The following PSKH1 variants were observed in gnomAD, a reference collection of about 807,000 sequenced individuals.
PSKH1 encodes serine/threonine-protein kinase H1.
Under a neutral mutation model 26.7 loss-of-function variants are expected in PSKH1, and 12 were observed. The ratio of observed to expected loss-of-function variants is 0.45; its 90% confidence interval spans 0.29 to 0.73. The LOEUF (loss-of-function observed/expected upper bound fraction) is 0.73. Ranked by LOEUF, PSKH1 falls within the 30% of genes least tolerant of loss-of-function variation. The probability of loss-of-function intolerance (pLI) is 0.11; values close to 1 mark genes in which losing one functional copy is unlikely to be tolerated. For missense variants in PSKH1, 431 were observed against 595.2 expected, an observed-to-expected ratio of 0.72 and a Z score of 2.87; for synonymous variants, 213 against 234.3, an observed-to-expected ratio of 0.91 and a Z score of 0.83.
chr16:67,925,039 A>G (rs1375627938), intron 2 of PSKH1, among the ~76,000 whole-genome samples: 1 of 151,874 alleles, frequency 6.6e-6, no homozygotes, highest in East Asian at 1.9e-4. Context: ...TCTTGGGCTC[A>G]AGCAGTCCTC....
chr16:67,926,640 T>G (rs1285003947), intron 2 of PSKH1, among the ~76,000 whole-genome samples: 1 of 152,112 alleles, frequency 6.6e-6, no homozygotes, highest in Non-Finnish European at 1.5e-5. Flanking sequence ...GGGGACAGAA[T>G]GTACTAAAAT....
At chr16:67,894,921 G>GTTT (rs553685060) in intron 1 of PSKH1, among the ~76,000 whole-genome samples, 22 of 123,078 alleles carry the variant, frequency 1.8e-4, no homozygotes, top group African/African-American at 2.8e-4. Flanking sequence ...GTCTGAGTTA[G>GTTT]TTTTTTTTTT....
intron 2 of PSKH1, among the ~76,000 whole-genome samples, chr16:67,925,016 G>T (rs144878944): frequency 1.1e-4 from 16 of 151,876 alleles, no homozygotes; most frequent in African/African-American, 3.6e-4. Context: ...TCTTTCCCAG[G>T]GTGATCTTGA....
intron 2 of PSKH1, among the ~76,000 whole-genome samples, chr16:67,917,098 T>A (rs894095305): frequency 2.6e-5 from 4 of 152,256 alleles, no homozygotes; most frequent in Admixed American, 1.3e-4. Flanking sequence ...CATTGTGTGG[T>A]GCCCACTAAG....
intron 2 of PSKH1, among the ~76,000 whole-genome samples, chr16:67,926,463 AAG>A (rs2058216661): frequency 6.6e-6 from 1 of 152,218 alleles, no homozygotes; most frequent in South Asian, 2.1e-4. Flanking sequence ...ACTGGGGGCT[AAG>A]AGGGAGTCTG....
At chr16:67,925,483 C>T (rs180983142) in intron 2 of PSKH1, among the ~76,000 whole-genome samples, 4 of 152,252 alleles carry the variant, frequency 2.6e-5, no homozygotes, top group African/African-American at 4.8e-5. Context: ...TGAGCCACCA[C>T]GCCTGGCCCT....
At chr16:67,916,492 A>G (rs1370651105) in intron 2 of PSKH1, among the ~76,000 whole-genome samples, 1 of 152,214 alleles carries the variant, frequency 6.6e-6, no homozygotes, top group Non-Finnish European at 1.5e-5. Flanking sequence ...AGAAGGGAGC[A>G]TTGCTGAGTG....
chr16:67,915,338 G>C (rs2058184963), intron 2 of PSKH1, among the ~76,000 whole-genome samples: 1 of 152,042 alleles, frequency 6.6e-6, no homozygotes, highest in African/African-American at 2.4e-5. Flanking sequence ...GGCAGGTTCT[G>C]GTGGCCCTTA....
intron 2 of PSKH1, among the ~76,000 whole-genome samples, chr16:67,922,607 A>C (rs1178903886): frequency 6.6e-6 from 1 of 152,188 alleles, no homozygotes; most frequent in Non-Finnish European, 1.5e-5. Context: ...CGTGAAGGAA[A>C]AGGTGGAGAA....
rs550257096 is a variant in PSKH1 at position 67,894,755 on chromosome 16, G to A, written c.-71+1384G>A. Among the ~76,000 whole-genome samples, 3 of 152,218 alleles carry A rather than the reference G, an allele frequency of 2.0e-5. No individual in the cohort carries two copies. In the East Asian group the frequency reaches 5.8e-4, roughly 29 times the overall value. On this transcript the variant is annotated intron_variant, in intron 1 of 2. Coordinates refer to ENST00000291041, the MANE Select transcript of PSKH1 (RefSeq NM_006742.3). ...CTGAATGCTGACTTATGAATGGATA[G>A]ATTCAACTGTATTTTTGAGCACCTA... is the stretch of plus-strand genomic sequence containing the variant.
At chr16:67,904,821 ATTTT>A (rs942779122) in intron 1 of PSKH1, among the ~76,000 whole-genome samples, 1 of 115,948 alleles carries the variant, frequency 8.6e-6, no homozygotes, top group Non-Finnish European at 1.8e-5. Flanking sequence ...TCCTTTTTTA[ATTTT>A]TTTTTTTTTT....
chr16:67,899,080 C>G (rs1292535879), intron 1 of PSKH1, among the ~76,000 whole-genome samples: 1 of 152,168 alleles, frequency 6.6e-6, no homozygotes, highest in African/African-American at 2.4e-5. Flanking sequence ...CAGGATTCAT[C>G]CTTGCTCCCT....
At chr16:67,911,549 G>T (rs1446855734) in intron 2 of PSKH1, among the ~76,000 whole-genome samples, 1 of 152,194 alleles carries the variant, frequency 6.6e-6, no homozygotes. Flanking sequence ...GGGTGTGGCA[G>T]CGGGCACCTA....
At chr16:67,895,253 C>T (rs572295378) in intron 1 of PSKH1, among the ~76,000 whole-genome samples, 37 of 150,886 alleles carry the variant, frequency 2.5e-4, no homozygotes, top group African/African-American at 9.0e-4. Context: ...TAAACAGAGA[C>T]GAGGTCTCGC....
chr16:67,914,701 G>A (rs1284284389), intron 2 of PSKH1, among the ~76,000 whole-genome samples: 1 of 152,148 alleles, frequency 6.6e-6, no homozygotes, highest in African/African-American at 2.4e-5. Flanking sequence ...TGATCTGCCC[G>A]CCTCAGCTTC....
intron 2 of PSKH1, among the ~76,000 whole-genome samples, chr16:67,916,840 G>A (rs1567400888): frequency 6.6e-6 from 1 of 152,096 alleles, no homozygotes; most frequent in Non-Finnish European, 1.5e-5. Flanking sequence ...CAGCTTGTAT[G>A]GGCAGACTTG....
intron 1 of PSKH1, among the ~76,000 whole-genome samples, chr16:67,905,443 T>G (rs1484883529): frequency 1.3e-5 from 2 of 152,180 alleles, no homozygotes; most frequent in African/African-American, 4.8e-5. Context: ...CTCATCTGAC[T>G]CATTCTTGCT....
At chr16:67,899,301 C>A (rs2058135339) in intron 1 of PSKH1, among the ~76,000 whole-genome samples, 3 of 151,350 alleles carry the variant, frequency 2.0e-5, no homozygotes, top group Middle Eastern at 7.0e-3. Context: ...TGTTGACTTG[C>A]AGCAAATAGA....
At chr16:67,910,948 T>C (rs1164354607) in intron 2 of PSKH1, among the ~76,000 whole-genome samples, 6 of 152,208 alleles carry the variant, frequency 3.9e-5, no homozygotes, top group Non-Finnish European at 8.8e-5. Context: ...TCCTGATGCC[T>C]CCAAAAATGT....
Sources: allele counts gnomAD v4.1 joint callset (sites outside exome capture counted in the v4.1 genomes callset), GRCh38; gene constraint gnomAD v4.1.1; transcripts MANE v1.5; gene names NCBI Gene and HGNC (gene_info 2026-07-23, HGNC 2026-07-21).